ZNF469: variants seen among roughly 807,000 people sequenced by gnomAD.
ZNF469 encodes the protein zinc finger protein 469.
ZNF469 carries 1 observed loss-of-function variant against 1.0 expected under a neutral mutation model. The observed-to-expected ratio is 1.00, with a 90% CI of 0.35 to 4.73. The LOEUF (loss-of-function observed/expected upper bound fraction) is 4.73. Ranked by LOEUF, ZNF469 falls within the 30% of genes most tolerant of loss-of-function variation. The pLI, the probability that ZNF469 is intolerant of heterozygous loss-of-function variation, is 0.16. For synonymous variants in ZNF469, 2,703 were observed against 2,363.4 expected (o/e 1.14, Z -4.17); for missense variants, 6,100 against 5,356.3 (o/e 1.14, Z -4.33).
At chr16:88,411,457 C>G (rs111532753) in intron 1 of ZNF469, among the ~76,000 whole-genome samples, 3 of 55,236 alleles carry the variant, frequency 5.4e-5, no homozygotes, top group Admixed American at 2.0e-4. Flanking sequence ...GGCAGGGGTG[C>G]GAGTGGGCAG....
chr16:88,352,231 G>A, the ZNF469 span, among the ~76,000 whole-genome samples: 1 of 152,184 alleles, frequency 6.6e-6, no homozygotes, highest in Non-Finnish European at 1.5e-5. Flanking sequence ...ACAACTCACT[G>A]CCACCAAACT....
the ZNF469 span, among the ~76,000 whole-genome samples, chr16:88,241,948 G>A: frequency 7.2e-5 from 11 of 152,210 alleles, no homozygotes; most frequent in Non-Finnish European, 1.5e-4. This position sits in a 1 kb window ranked among gnomAD's most constrained non-coding sequence, Gnocchi z 4.8. Flanking sequence ...CAGCTGGAAG[G>A]CGCTGTTTCC....
chr16:88,279,903 C>T, the ZNF469 span, among the ~76,000 whole-genome samples: 9 of 148,880 alleles, frequency 6.0e-5, no homozygotes, highest in Non-Finnish European at 7.4e-5. Flanking sequence ...TGCTGCACCA[C>T]GCCGACACTC....
At chr16:88,305,858 C>T in the ZNF469 span, among the ~76,000 whole-genome samples, 86 of 152,282 alleles carry the variant, frequency 5.6e-4, 1 homozygote, top group South Asian at 0.013. Flanking sequence ...TGCACACTCA[C>T]GCATCCATGT....
the ZNF469 span, among the ~76,000 whole-genome samples, chr16:88,117,763 G>A: frequency 1.3e-3 from 202 of 152,362 alleles, 1 homozygote; most frequent in African/African-American, 4.5e-3. Flanking sequence ...GTTTCTTGGA[G>A]CCCCGGTCGT....
Position 88,434,894 on chromosome 16 carries a change from A to C in ZNF469, c.7424A>C (p.Glu2475Ala). 1 of 1,550,332 alleles carries C rather than the reference A, an allele frequency of 6.5e-7. No individual in the cohort carries two copies. The highest frequency in any genetic ancestry group is 8.7e-7 in the Non-Finnish European group (1 of 1,146,980). ...GCTCCACATGGGCCTGTGACCTGTG[A>C]GGTCTGCGCAGCCTCCTTCCGCTCC... is the stretch of plus-strand genomic sequence containing the variant. Reference protein sequence around the residue: ...GQAPHGPVTCEVCAASFRSGP... With the variant: ...GQAPHGPVTCAVCAASFRSGP... The change falls in exon 3 of 3, where the codon GAG (glutamate) becomes GCG (alanine). Residue 2475 changes from glutamate to alanine, a missense_variant. Physicochemically the swap from Glu to Ala is moderately radical, Grantham distance 107 (BLOSUM62 -1). Transcript: ENST00000565624.
intron 1 of ZNF469, among the ~76,000 whole-genome samples, chr16:88,410,986 G>A (rs1007676149): frequency 1.3e-5 from 2 of 152,160 alleles, no homozygotes; most frequent in African/African-American, 4.8e-5. Flanking sequence ...ATCTTCACGT[G>A]GCCTCCTCCT....
chr16:88,411,365 G>T (rs900296746), intron 1 of ZNF469, among the ~76,000 whole-genome samples: 1 of 151,994 alleles, frequency 6.6e-6, no homozygotes, highest in Non-Finnish European at 1.5e-5. Flanking sequence ...GTGGTCCAGG[G>T]GGAGTGGCGG....
At chr16:88,107,868 C>G in the ZNF469 span, among the ~76,000 whole-genome samples, 1 of 152,246 alleles carries the variant, frequency 6.6e-6, no homozygotes, top group Non-Finnish European at 1.5e-5. Flanking sequence ...GGGCTCCGGC[C>G]TCCACACCAC....
chr16:88,366,920 A>G, the ZNF469 span, among the ~76,000 whole-genome samples: 813 of 152,152 alleles, frequency 5.3e-3, 8 homozygotes, highest in African/African-American at 0.019. Context: ...CATCATCATC[A>G]AGACCATCAT....
the ZNF469 span, among the ~76,000 whole-genome samples, chr16:88,230,134 G>A: frequency 1.3e-5 from 2 of 152,240 alleles, no homozygotes; most frequent in Admixed American, 1.3e-4. Flanking sequence ...AGGTCCAGGT[G>A]TCTTTGGCTT....
chr16:88,123,583 G>A, the ZNF469 span, among the ~76,000 whole-genome samples: 1 of 152,184 alleles, frequency 6.6e-6, no homozygotes, highest in Non-Finnish European at 1.5e-5. Context: ...GGCCTAGGAG[G>A]ATAATTGCGG....
chr16:88,102,451 G>T, the ZNF469 span, among the ~76,000 whole-genome samples: 1 of 152,238 alleles, frequency 6.6e-6, no homozygotes, highest in Admixed American at 6.5e-5. Flanking sequence ...GCAGTGAGCC[G>T]AGATTGCACC....
chr16:88,142,217 G>A, the ZNF469 span, among the ~76,000 whole-genome samples: 1 of 152,208 alleles, frequency 6.6e-6, no homozygotes, highest in Non-Finnish European at 1.5e-5. Flanking sequence ...TGTCCTTCCT[G>A]CAAGACCCGG....
At chr16:88,345,447 T>C in the ZNF469 span, among the ~76,000 whole-genome samples, 1 of 152,232 alleles carries the variant, frequency 6.6e-6, no homozygotes, top group Non-Finnish European at 1.5e-5. Flanking sequence ...ACAGCCATGA[T>C]GGCTACACAC....
chr16:88,342,122 G>A, the ZNF469 span, among the ~76,000 whole-genome samples: 1 of 152,220 alleles, frequency 6.6e-6, no homozygotes, highest in Admixed American at 6.5e-5. Context: ...GGCCGGGCAG[G>A]GGCTGAGGAG....
At chr16:88,251,552 T>TG in the ZNF469 span, among the ~76,000 whole-genome samples, 1 of 41,254 alleles carries the variant, frequency 2.4e-5, no homozygotes, top group Non-Finnish European at 5.2e-5. Flanking sequence ...TTTTTTTTTT[T>TG]TTTTTTTTTT....
At chr16:88,300,511 A>G in the ZNF469 span, among the ~76,000 whole-genome samples, 1 of 149,886 alleles carries the variant, frequency 6.7e-6, no homozygotes, top group African/African-American at 2.5e-5. Context: ...GCCATACTCT[A>G]TCCTAAGCCA....
At chr16:88,112,469 G>T in the ZNF469 span, among the ~76,000 whole-genome samples, 2 of 152,082 alleles carry the variant, frequency 1.3e-5, no homozygotes, top group Non-Finnish European at 2.9e-5. Flanking sequence ...TTTGGATAAA[G>T]GCCATTTTAA....
Sources: gnomAD v4.1 joint callset for allele counts (sites outside exome capture counted in the v4.1 genomes callset) on GRCh38, gnomAD v4.1.1 for gene constraint, Gnocchi (gnomAD v3.1) non-coding constraint, MANE v1.5 for transcripts, NCBI Gene and HGNC (gene_info 2026-07-23, HGNC 2026-07-21) for gene names.